Variants in PEAK1 observed in about 807,000 individuals in gnomAD.
PEAK1 encodes inactive tyrosine-protein kinase PEAK1.
Under a neutral mutation model 124.7 loss-of-function variants are expected in PEAK1, and 54 were observed. That is an observed-to-expected ratio of 0.43 (90% CI 0.35 to 0.54). The LOEUF (loss-of-function observed/expected upper bound fraction) is 0.54, where lower values mean the gene tolerates loss of function less well. PEAK1 is among the 20% of genes least tolerant of loss of function. The pLI is 0.01. For missense variants in PEAK1, 2,046 were observed against 2,134.5 expected (o/e 0.96, Z 0.82); for synonymous variants, 719 against 760.0 (o/e 0.95, Z 0.89).
intron 1 of PEAK1, among the ~76,000 whole-genome samples, chr15:77,386,842 C>T (rs2069989759): frequency 6.6e-6 from 1 of 152,122 alleles, no homozygotes; most frequent in South Asian, 2.1e-4. Flanking sequence ...CTCGTTAATA[C>T]CTCAATTGAC....
chr15:77,313,640 A>ATGTGTGTGTGTGTGTG (rs1298114830), intron 2 of PEAK1, among the ~76,000 whole-genome samples: 1 of 78,520 alleles, frequency 1.3e-5, no homozygotes, highest in Non-Finnish European at 2.7e-5. Context: ...TAATGTATGT[A>ATGTGTGTGTGTGTGTG]TGTATGTATG....
chr15:77,151,791 T>C (rs547092564), intron 8 of PEAK1, among the ~76,000 whole-genome samples: 1 of 152,354 alleles, frequency 6.6e-6, no homozygotes, highest in African/African-American at 2.4e-5. Flanking sequence ...TGCTTGTTTT[T>C]GTCAGGTTTG....
intron 6 of PEAK1, among the ~76,000 whole-genome samples, chr15:77,236,635 T>A (rs150356750): frequency 6.6e-6 from 1 of 152,224 alleles, no homozygotes; most frequent in Non-Finnish European, 1.5e-5. Context: ...TGGGGGACTG[T>A]TGGAAGGGTA....
At chr15:77,331,755 C>G (rs893872689) in intron 2 of PEAK1, among the ~76,000 whole-genome samples, 11 of 151,890 alleles carry the variant, frequency 7.2e-5, no homozygotes, top group African/African-American at 2.7e-4. Flanking sequence ...TAGCGTGGGA[C>G]TACAGGCTCG....
At chr15:77,236,403 C>T (rs2060126896) in intron 6 of PEAK1, among the ~76,000 whole-genome samples, 1 of 152,220 alleles carries the variant, frequency 6.6e-6, no homozygotes, top group Admixed American at 6.5e-5. Flanking sequence ...TTAATAATTG[C>T]CCTATCGTTT....
intron 2 of PEAK1, among the ~76,000 whole-genome samples, chr15:77,338,978 T>C (rs1158195030): frequency 6.6e-6 from 1 of 152,102 alleles, no homozygotes. Flanking sequence ...ACATGTAATG[T>C]TAAGATGAAA....
intron 2 of PEAK1, among the ~76,000 whole-genome samples, chr15:77,298,035 G>A (rs1194272307): frequency 9.2e-4 from 113 of 122,886 alleles, no homozygotes; most frequent in African/African-American, 1.4e-3. Context: ...TCTGCAGTCC[G>A]GCCTGGGCGA....
At chr15:77,351,425 T>C (rs1292005143) in intron 2 of PEAK1, among the ~76,000 whole-genome samples, 2 of 152,160 alleles carry the variant, frequency 1.3e-5, no homozygotes, top group Non-Finnish European at 2.9e-5. Context: ...GCAGGGAACA[T>C]AAAGCCAATT....
chr15:77,315,324 G>T (rs1181741575), intron 2 of PEAK1, among the ~76,000 whole-genome samples: 1 of 152,112 alleles, frequency 6.6e-6, no homozygotes, highest in Non-Finnish European at 1.5e-5. Context: ...TGATCATCTT[G>T]ATGTCTACGA....
intron 6 of PEAK1, among the ~76,000 whole-genome samples, chr15:77,190,129 C>T (rs1301476417): frequency 1.3e-5 from 2 of 152,028 alleles, no homozygotes; most frequent in African/African-American, 2.4e-5. Flanking sequence ...TGGCAGGAGG[C>T]ATTATTTTTC....
At chr15:77,105,029 C>A (rs1036468232), downstream of PEAK1, 1 of 152,216 alleles carries the variant, frequency 6.6e-6, no homozygotes, top group Non-Finnish European at 1.5e-5. Context: ...TTCTCTTTAC[C>A]TGAGGTACAA....
At chr15:77,198,908 A>G (rs1371829991) in intron 6 of PEAK1, among the ~76,000 whole-genome samples, 2 of 152,234 alleles carry the variant, frequency 1.3e-5, no homozygotes, top group Non-Finnish European at 2.9e-5. Context: ...GAGGAAGGAT[A>G]TCTGCCTGAG....
chr15:77,281,658 C>T (rs570381252), intron 5 of PEAK1, among the ~76,000 whole-genome samples: 4 of 152,190 alleles, frequency 2.6e-5, no homozygotes, highest in East Asian at 3.9e-4. Flanking sequence ...TCTCTTTCAA[C>T]AATACTCTCA....
chr15:77,326,250 T>C (rs116441133), intron 2 of PEAK1, among the ~76,000 whole-genome samples: 3,436 of 152,250 alleles, frequency 0.023, 110 homozygotes, highest in African/African-American at 0.072. Context: ...TTAGGGTCTA[T>C]TAACTTTGAT....
chr15:77,226,049 A>ATAT (rs1454245770), intron 6 of PEAK1, among the ~76,000 whole-genome samples: 4 of 42,230 alleles, frequency 9.5e-5, no homozygotes, highest in African/African-American at 2.0e-4. Context: ...AAAGGGATAT[A>ATAT]TATATATATA....
At chr15:77,154,544 A>C (rs2054949644) in intron 8 of PEAK1, among the ~76,000 whole-genome samples, 2 of 152,080 alleles carry the variant, frequency 1.3e-5, no homozygotes, top group South Asian at 4.2e-4. Context: ...TTAGCTGGTT[A>C]TTTTGCTCGT....
At chr15:77,260,020 G>C (rs547196647) in intron 5 of PEAK1, among the ~76,000 whole-genome samples, 97 of 152,222 alleles carry the variant, frequency 6.4e-4, no homozygotes, top group Middle Eastern at 3.4e-3. Context: ...TTTGAGACCA[G>C]AGAAAAACAT....
upstream of PEAK1, chr15:77,420,710 G>A (rs939270841): frequency 1.3e-5 from 5 of 395,560 alleles, no homozygotes; most frequent in Middle Eastern, 6.3e-4. Flanking sequence ...CCGCATTGGG[G>A]CAAAATAATC....
At chr15:77,197,513 T>A (rs2058165731) in intron 6 of PEAK1, among the ~76,000 whole-genome samples, 1 of 152,228 alleles carries the variant, frequency 6.6e-6, no homozygotes, top group South Asian at 2.1e-4. Context: ...TAATAATTTT[T>A]GATAGATTTC....
Sources: allele counts gnomAD v4.1 joint callset (sites outside exome capture counted in the v4.1 genomes callset), GRCh38; gene constraint gnomAD v4.1.1; transcripts MANE v1.5; gene names NCBI Gene and HGNC (gene_info 2026-07-23, HGNC 2026-07-21).